Variants in B4GALNT2 observed in about 807,000 individuals in gnomAD.
B4GALNT2 encodes the protein beta-1,4-N-acetyl-galactosaminyltransferase 2 (SID blood group), also known as N-acetylneuraminylgalactosylglucosyl-glucoside beta-1,4-N- acetylgalactosaminyltransferase 2.
A neutral mutation model predicts 51.1 loss-of-function variants in B4GALNT2; 42 were observed. The observed-to-expected ratio is 0.82, with a 90% confidence interval of 0.64 to 1.06. B4GALNT2 has a LOEUF of 1.06. B4GALNT2 is among the 50% of genes least tolerant of loss of function. The probability of loss-of-function intolerance (pLI) is 0.00; values close to 1 mark genes in which losing one functional copy is unlikely to be tolerated. For missense variants in B4GALNT2, 602 were observed against 633.6 expected, an observed-to-expected ratio of 0.95 and a Z score of 0.54; for synonymous variants, 253 against 251.7, an observed-to-expected ratio of 1.01 and a Z score of -0.05.
chr17:49,146,400 T>C (rs2042695180), intron 3 of B4GALNT2, among the ~76,000 whole-genome samples: 1 of 152,132 alleles, frequency 6.6e-6, no homozygotes. Flanking sequence ...AACCTCCACC[T>C]CCCAGGCTCA....
chr17:49,162,263 A>G (rs2042871900), intron 7 of B4GALNT2, among the ~76,000 whole-genome samples: 1 of 152,220 alleles, frequency 6.6e-6, no homozygotes, highest in African/African-American at 2.4e-5. Context: ...AAGAGCATCT[A>G]TGACTCAATA....
chr17:49,174,810 C>A lies in B4GALNT2; in HGVS notation c.*5082C>A, dbSNP rs975642028. On this transcript the variant is annotated 3_prime_UTR_variant, in exon 11 of 11. Transcript: ENST00000393354. ...CTGCCATCAAAAATGATATCCTAAA[C>A]CTTGGCAGGAACTTTGTCTTTCCGC... The A allele has an allele frequency of 1.3e-5, 2 of 152,156 alleles. No individual in the cohort carries two copies. Among genetic ancestry groups the A allele is most frequent in the Non-Finnish European group, 2.9e-5 (2 of 68,030 alleles). The allele number at this position is 152,156 out of a possible 1,614,324, so 9.4% of individuals were successfully genotyped here.
In B4GALNT2 at chr17:49,143,834, T is replaced by C. The variant is rs2042667829; in HGVS notation, c.353+1662T>C. Among the ~76,000 whole-genome samples, 3 of 132,526 alleles carry C rather than the reference T, an allele frequency of 2.3e-5. 1 individual carries two copies. The South Asian group carries it at 7.2e-4, about 32-fold the overall frequency. 86.9% of individuals were successfully genotyped at this position (132,526 alleles called of 152,430 possible). A position where few individuals can be genotyped will look rare whatever the true frequency, so the allele number is the denominator to read the frequency against. Reference sequence around the variant, plus strand: ...GAGCACATGCATCAGCTGAGGTCTCTCTTCCTCTTCTTATAAAACTACCAG... The same window carrying C: ...GAGCACATGCATCAGCTGAGGTCTCCCTTCCTCTTCTTATAAAACTACCAG... On this transcript the variant is annotated intron_variant, in intron 3 of 10. Coordinates refer to ENST00000393354, the MANE Select transcript of B4GALNT2 (RefSeq NM_001159387.2).
intron 1 of B4GALNT2, among the ~76,000 whole-genome samples, chr17:49,135,786 C>T (rs112121381): frequency 9.3e-5 from 14 of 150,902 alleles, no homozygotes; most frequent in Non-Finnish European, 1.6e-4. Context: ...AATCCTGGCC[C>T]GGCATGGTGG....
intron 3 of B4GALNT2, among the ~76,000 whole-genome samples, chr17:49,144,255 A>G (rs771585766): frequency 4.8e-4 from 73 of 152,318 alleles, no homozygotes; most frequent in Non-Finnish European, 4.6e-4. Flanking sequence ...TCCAAACAAC[A>G]TATGAATTTG....
intron 1 of B4GALNT2, among the ~76,000 whole-genome samples, chr17:49,138,195 CTT>C (rs1283791314): frequency 6.6e-6 from 1 of 152,154 alleles, no homozygotes; most frequent in Non-Finnish European, 1.5e-5. Context: ...TGGCAATAGA[CTT>C]AAAGATTTAT....
At chr17:49,153,733 C>T (rs1477420015) in intron 4 of B4GALNT2, among the ~76,000 whole-genome samples, 1 of 152,066 alleles carries the variant, frequency 6.6e-6, no homozygotes, top group Non-Finnish European at 1.5e-5. Flanking sequence ...GTCTCGAATT[C>T]CTGACCTCAA....
At chr17:49,120,675 T>G in the B4GALNT2 span, among the ~76,000 whole-genome samples, 12 of 151,902 alleles carry the variant, frequency 7.9e-5, no homozygotes, top group African/African-American at 2.7e-4. Context: ...CTGGCTAATT[T>G]TTTTTTGTAT....
rs1352146826 is a variant in B4GALNT2, at chr17:49,174,719, G to T, written c.*4991G>T. The T allele has an allele frequency of 2.0e-5, 3 of 152,130 alleles. No homozygotes were observed. The East Asian group carries it at 5.8e-4, about 29-fold the overall frequency. 9.4% of individuals were successfully genotyped at this position (152,130 alleles called of 1,614,324 possible). A position where few individuals can be genotyped will look rare whatever the true frequency, so the allele number is the denominator to read the frequency against. ...AGTTTCTCTTTACTTAGCAGTCATT[G>T]TTCTATCCAAATTGGCTCATCTGTT... On this transcript the variant is annotated 3_prime_UTR_variant, in exon 11 of 11. Coordinates refer to ENST00000393354, the MANE Select transcript of B4GALNT2 (RefSeq NM_001159387.2).
rs1211617859 is a variant in B4GALNT2 at position 49,169,568 on chromosome 17, C to T, written c.1361C>T (p.Pro454Leu). 1.6e-5 allele frequency: 25 copies of T among 1,612,644 alleles called. No individual in the cohort carries two copies. Among genetic ancestry groups the T allele is most frequent in the Non-Finnish European group, 2.1e-5 (25 of 1,180,038 alleles). The part of the protein sequence containing the change: ...GLGTLLVGSC[P>L]EVIIGHQSRS... ...GGGACCCTACTCGTGGGGTCATGCC[C>T]AGAAGTGATTATAGGTCACCAGTCT... Residue 454 changes from proline to leucine, a missense_variant, in exon 11 of 11, where the codon CCA becomes CTA. Physicochemically the swap from Pro to Leu is moderately conservative, Grantham distance 98 (BLOSUM62 -3). Transcript: ENST00000393354.
the B4GALNT2 span, among the ~76,000 whole-genome samples, chr17:49,126,201 C>T: frequency 6.6e-6 from 1 of 152,118 alleles, no homozygotes; most frequent in African/African-American, 2.4e-5. Context: ...TGACCTTACC[C>T]CCAACCCTGT....
chr17:49,166,008 T>A (rs898382017), intron 8 of B4GALNT2, 106 bp from the exon 9 acceptor site: 45 of 1,289,722 alleles, frequency 3.5e-5, no homozygotes, highest in Non-Finnish European at 4.7e-5. Flanking sequence ...CTAATGGAAT[T>A]TGTCTGGAGT....
chr17:49,130,605 T>C (rs1194492432), upstream of B4GALNT2, among the ~76,000 whole-genome samples: 1 of 152,138 alleles, frequency 6.6e-6, no homozygotes, highest in Non-Finnish European at 1.5e-5. Context: ...ACCACTGCAC[T>C]CCAGCTTGGG....
chr17:49,160,631 C>T lies in B4GALNT2; in HGVS notation c.756C>T (p.Asp252=). 1 of 1,614,056 alleles carries T rather than the reference C, an allele frequency of 6.2e-7. No individual in the cohort carries two copies. The highest frequency in any genetic ancestry group is 2.2e-5 in the East Asian group (1 of 44,872). The change falls in exon 7 of 11, where the codon GAC becomes GAT. Residue 252 remains aspartate (D), a synonymous_variant. Coordinates refer to ENST00000393354, the MANE Select transcript of B4GALNT2 (RefSeq NM_001159387.2). ...ATCCTGTCATACCCAAGCTATACGA[C>T]CCTGGACCAGGTAAGGCCCTTGTCC... is the stretch of plus-strand genomic sequence containing the variant. ...IRHPVIPKLY[D]PGPERKLRNL... is the part of the protein sequence containing the mutation.
chr17:49,127,374 G>A, the B4GALNT2 span, among the ~76,000 whole-genome samples: 2 of 152,172 alleles, frequency 1.3e-5, no homozygotes, highest in Non-Finnish European at 2.9e-5. Flanking sequence ...GCAGAGATAA[G>A]TATGAAATTG....
intron 3 of B4GALNT2, among the ~76,000 whole-genome samples, chr17:49,150,843 C>T (rs1396699216): frequency 6.7e-6 from 1 of 149,696 alleles, no homozygotes; most frequent in Non-Finnish European, 1.5e-5. Context: ...ACTTGTTTAT[C>T]CGCTGACCTT....
At chr17:49,135,214 TAC>T (rs1357790429) in intron 1 of B4GALNT2, among the ~76,000 whole-genome samples, 1 of 152,236 alleles carries the variant, frequency 6.6e-6, no homozygotes, top group Non-Finnish European at 1.5e-5. Context: ...AAATTACACA[TAC>T]ACACACAGAG....
chr17:49,140,368 G>A (rs886117641), intron 1 of B4GALNT2, among the ~76,000 whole-genome samples: 20 of 152,094 alleles, frequency 1.3e-4, no homozygotes, highest in African/African-American at 4.3e-4. Context: ...CCGAAGTGCT[G>A]GGATTACAGG....
chr17:49,138,694 T>A (rs1173012234), intron 1 of B4GALNT2, among the ~76,000 whole-genome samples: 1 of 152,130 alleles, frequency 6.6e-6, no homozygotes, highest in African/African-American at 2.4e-5. Flanking sequence ...CTGGCCAACA[T>A]GGTGAAACCC....
Sources: allele counts gnomAD v4.1 joint callset (sites outside exome capture counted in the v4.1 genomes callset), GRCh38; gene constraint gnomAD v4.1.1; transcripts MANE v1.5; gene names NCBI Gene and HGNC (gene_info 2026-07-23, HGNC 2026-07-21).